DCUN1D1: variants seen among roughly 807,000 people sequenced by gnomAD.
DCUN1D1 encodes defective in cullin neddylation 1 domain containing 1.
A neutral mutation model predicts 39.0 loss-of-function variants in DCUN1D1; 3 were observed. That is an observed-to-expected ratio of 0.08 (90% confidence interval 0.04 to 0.20). The LOEUF (loss-of-function observed/expected upper bound fraction) is 0.20. DCUN1D1 is among the 10% of genes least tolerant of loss of function. The pLI is 1.00. For missense variants in DCUN1D1, 158 were observed against 302.4 expected, an observed-to-expected ratio of 0.52 and a Z score of 3.54; for synonymous variants, 82 against 96.3, an observed-to-expected ratio of 0.85 and a Z score of 0.87.
At chr3:182,975,326 G>A (rs1728169078) in intron 1 of DCUN1D1, among the ~76,000 whole-genome samples, 1 of 151,890 alleles carries the variant, frequency 6.6e-6, no homozygotes, top group East Asian at 1.9e-4. Context: ...ACAGGCGCCT[G>A]CTACCACATC....
chr3:182,978,682 T>A (rs1728366680), intron 1 of DCUN1D1, among the ~76,000 whole-genome samples: 1 of 152,184 alleles, frequency 6.6e-6, no homozygotes, highest in Non-Finnish European at 1.5e-5. Flanking sequence ...GCCCCTACGG[T>A]GAGTTAGCTA....
rs1020037972 is a variant in DCUN1D1 at position 182,940,194 on chromosome 3, G to A, written c.*4900C>T. 2.0e-5 allele frequency: 3 copies of A among 152,002 alleles called. No individual in the cohort carries two copies. Among genetic ancestry groups the A allele is most frequent in the East Asian group, 3.9e-4 (2 of 5,194 alleles). 9.4% of individuals were successfully genotyped at this position (152,002 alleles called of 1,614,324 possible). A position where few individuals can be genotyped will look rare whatever the true frequency, so the allele number is the denominator to read the frequency against. ...TCTTTTTGTAAAAATCTCTTGCTTC[G>A]TATTGGGTATTGCCCAAGTTTTCCA... On this transcript the variant is annotated 3_prime_UTR_variant, in exon 7 of 7. Coordinates refer to ENST00000292782, the MANE Select transcript of DCUN1D1 (RefSeq NM_020640.4).
upstream of DCUN1D1, among the ~76,000 whole-genome samples, chr3:182,985,245 G>A (rs1728688634): frequency 6.6e-6 from 1 of 152,170 alleles, no homozygotes; most frequent in African/African-American, 2.4e-5. Flanking sequence ...CAGAGTGGAG[G>A]CTAGAAGCAG....
chr3:182,983,453 C>T (rs1019615760), upstream of DCUN1D1, among the ~76,000 whole-genome samples: 3 of 152,224 alleles, frequency 2.0e-5, no homozygotes, highest in Non-Finnish European at 4.4e-5. Flanking sequence ...CAGTGGCTCA[C>T]GCCTGTAATC....
intron 4 of DCUN1D1, among the ~76,000 whole-genome samples, chr3:182,950,445 C>T (rs1325316291): frequency 6.6e-6 from 1 of 152,052 alleles, no homozygotes; most frequent in Non-Finnish European, 1.5e-5. Context: ...CGCGCCCAGC[C>T]AAGTTATCAC....
At chr3:182,945,345 C>T (rs1345594307) in intron 6 of DCUN1D1, among the ~76,000 whole-genome samples, 172 bp from the exon 7 acceptor site, 1 of 152,122 alleles carries the variant, frequency 6.6e-6, no homozygotes, top group Non-Finnish European at 1.5e-5. Flanking sequence ...GGAGTTTTTA[C>T]CCCAAATATT....
At chr3:182,946,476 G>T (rs138050992) in intron 6 of DCUN1D1, among the ~76,000 whole-genome samples, 214 of 142,202 alleles carry the variant, frequency 1.5e-3, no homozygotes, top group African/African-American at 5.1e-3. Flanking sequence ...AGAATCGCTT[G>T]AACCCAGGAG....
At chr3:182,968,503 C>T (rs776990836) in intron 1 of DCUN1D1, among the ~76,000 whole-genome samples, 3 of 152,014 alleles carry the variant, frequency 2.0e-5, no homozygotes, top group Admixed American at 2.0e-4. Flanking sequence ...ACTGTCTTAC[C>T]CACACCAACT....
upstream of DCUN1D1, among the ~76,000 whole-genome samples, chr3:182,981,404 CTG>C (rs1034045385): frequency 1.3e-5 from 2 of 152,208 alleles, no homozygotes; most frequent in African/African-American, 4.8e-5. Flanking sequence ...GTTAAATCAA[CTG>C]AGGCTGAGGA....
chr3:182,975,422 C>T (rs577171412), intron 1 of DCUN1D1, among the ~76,000 whole-genome samples: 6 of 151,958 alleles, frequency 3.9e-5, no homozygotes, highest in Non-Finnish European at 7.4e-5. Flanking sequence ...GTGATCCGCC[C>T]GCCTCAGCCC....
intron 1 of DCUN1D1, among the ~76,000 whole-genome samples, chr3:182,967,914 G>A (rs1727751625): frequency 6.6e-6 from 1 of 152,190 alleles, no homozygotes; most frequent in Non-Finnish European, 1.5e-5. Context: ...TCTCCCTTGA[G>A]TGACAGAGTA....
At chr3:182,957,694 T>C (rs1337742675) in intron 4 of DCUN1D1, among the ~76,000 whole-genome samples, 1 of 151,774 alleles carries the variant, frequency 6.6e-6, no homozygotes, top group African/African-American at 2.4e-5. Flanking sequence ...AAGCACCCTA[T>C]CCTGGTATCA....
rs944640361 is a variant in DCUN1D1 at position 182,938,959 on chromosome 3, T to C, written c.*6135A>G. On this transcript the variant is annotated 3_prime_UTR_variant, in exon 7 of 7. Transcript: ENST00000292782. ...ATCAGCACCACTCTTCGCTGACACA[T>C]TTCTTCTCACCAGAGATCACTGAGG... 3 of 152,518 alleles carry C rather than the reference T, an allele frequency of 2.0e-5. No homozygotes were observed. Among genetic ancestry groups the C allele is most frequent in the African/African-American group, 7.2e-5 (3 of 41,450 alleles). The allele number at this position is 152,518 out of a possible 1,614,324, so 9.4% of individuals were successfully genotyped here. A position where few individuals can be genotyped will look rare whatever the true frequency, so the allele number is the denominator to read the frequency against.
rs185093397 is a variant in DCUN1D1 at position 182,971,241 on chromosome 3, A to G, written c.4-5488T>C. The stretch of plus-strand genomic sequence containing the variant: ...AAACTCTTAGAACTGTAACTAGCAC[A>G]TGGTAAGGACTCCACAGAAGTCCAC... On this transcript the variant is annotated intron_variant, in intron 1 of 6. Transcript: ENST00000292782. 1.8e-3 allele frequency among the ~76,000 whole-genome samples: 275 copies of G among 152,342 alleles called. 6 individuals are homozygous for G. Among genetic ancestry groups the G allele is most frequent in the Middle Eastern group, 3.4e-3 (1 of 294 alleles).
At chr3:182,966,328 A>G (rs1351303505) in intron 1 of DCUN1D1, among the ~76,000 whole-genome samples, 1 of 152,172 alleles carries the variant, frequency 6.6e-6, no homozygotes. Flanking sequence ...GAAAGCAATA[A>G]AATAGGAGTA....
At chr3:182,969,147 GCT>G (rs1727813764) in intron 1 of DCUN1D1, among the ~76,000 whole-genome samples, 1 of 152,242 alleles carries the variant, frequency 6.6e-6, no homozygotes, top group African/African-American at 2.4e-5. Flanking sequence ...TTCTCTGTCA[GCT>G]CTCTGTTCCT....
At chr3:182,963,738 A>C in intron 3 of DCUN1D1, 143 bp downstream of exon 3, 1 of 673,156 alleles carries the variant, frequency 1.5e-6, no homozygotes, top group Non-Finnish European at 2.4e-6. Flanking sequence ...AAACTGTATA[A>C]CATGGAAACT....
rs1726313988 is a variant in DCUN1D1 at position 182,944,852 on chromosome 3, A to T, written c.*242T>A. 2 of 415,792 alleles carry T rather than the reference A, an allele frequency of 4.8e-6. No individual in the cohort carries two copies. The highest frequency in any genetic ancestry group is 2.1e-5 in the African/African-American group (1 of 47,844). 25.8% of individuals were successfully genotyped at this position (415,792 alleles called of 1,614,324 possible). A position where few individuals can be genotyped will look rare whatever the true frequency, so the allele number is the denominator to read the frequency against. On this transcript the variant is annotated 3_prime_UTR_variant, in exon 7 of 7. Coordinates refer to ENST00000292782, the MANE Select transcript of DCUN1D1 (RefSeq NM_020640.4). ...TAGGATGGTCCACAGATATAAGATG[A>T]AATCCACAATGTTGGAATTATAAAT...
intron 4 of DCUN1D1, among the ~76,000 whole-genome samples, chr3:182,951,853 T>G (rs1270808210): frequency 6.6e-6 from 1 of 151,788 alleles, no homozygotes; most frequent in Non-Finnish European, 1.5e-5. Context: ...TGAGCCACCA[T>G]GCCCAGCTAA....
Sources: gnomAD v4.1 joint callset for allele counts (sites outside exome capture counted in the v4.1 genomes callset) on GRCh38, gnomAD v4.1.1 for gene constraint, MANE v1.5 for transcripts, NCBI Gene and HGNC (gene_info 2026-07-23, HGNC 2026-07-21) for gene names.